Variants in GMDS observed in about 807,000 individuals in gnomAD.
GMDS encodes the protein GDP-mannose 4,6-dehydratase, also known as GDP-mannose 4,6 dehydratase.
GMDS carries 20 observed loss-of-function variants against 49.9 expected under a neutral mutation model. That is an observed-to-expected ratio of 0.40 (90% CI 0.28 to 0.58). GMDS has a LOEUF of 0.58. Among genes scored for constraint, GMDS ranks in the 20% least tolerant of loss-of-function variants. GMDS has a pLI of 0.42. For synonymous variants in GMDS, 177 were observed against 178.6 expected (o/e 0.99, Z 0.07); for missense variants, 362 against 481.4 (o/e 0.75, Z 2.32).
At chr6:1,647,820 C>A (rs139272156) in intron 9 of GMDS, among the ~76,000 whole-genome samples, 3 of 152,176 alleles carry the variant, frequency 2.0e-5, no homozygotes, top group African/African-American at 2.4e-5. Flanking sequence ...CCTGGAATGT[C>A]CTTCTCAGCA....
intron 4 of GMDS, among the ~76,000 whole-genome samples, chr6:2,021,584 T>C (rs1054748047): frequency 2.6e-5 from 4 of 152,138 alleles, no homozygotes; most frequent in African/African-American, 9.7e-5. Flanking sequence ...ATATAATAAG[T>C]AAAATATTTG....
intron 1 of GMDS, among the ~76,000 whole-genome samples, chr6:2,190,827 G>A (rs918068927): frequency 2.0e-5 from 3 of 152,114 alleles, no homozygotes; most frequent in Non-Finnish European, 4.4e-5. Flanking sequence ...CAGCAGGAGC[G>A]GCTGCAGGAG....
At chr6:1,709,613 G>A (rs924923674) in intron 9 of GMDS, among the ~76,000 whole-genome samples, 10 of 152,206 alleles carry the variant, frequency 6.6e-5, no homozygotes, top group Admixed American at 6.5e-4. Context: ...TGTCACAGAT[G>A]GAAGGAGAAG....
rs1175323225 is a variant in GMDS at position 1,737,953 on chromosome 6, TACAC to T, written c.890+4511_890+4514del. Among the ~76,000 whole-genome samples, 11 of 118,106 alleles carry T rather than the reference TACAC, an allele frequency of 9.3e-5. No individual in the cohort carries two copies. The South Asian group carries it at 1.1e-3, about 12-fold the overall frequency. The allele number at this position is 118,106 out of a possible 152,430, so 77.5% of individuals were successfully genotyped here. ...TACACACCACACACACATACACAGA[TACAC>T]ACATACATACACACACATACACACA... is the stretch of plus-strand genomic sequence containing the variant. On this transcript the variant is annotated intron_variant, in intron 8 of 10. Transcript: ENST00000380815.
chr6:1,653,558 C>T (rs1329352279), intron 9 of GMDS, among the ~76,000 whole-genome samples: 1 of 152,148 alleles, frequency 6.6e-6, no homozygotes, highest in East Asian at 1.9e-4. Flanking sequence ...TTGAAAACTA[C>T]AAAGATACAG....
At chr6:2,029,458 T>G (rs1283093749) in intron 4 of GMDS, among the ~76,000 whole-genome samples, 2 of 152,158 alleles carry the variant, frequency 1.3e-5, no homozygotes, top group African/African-American at 4.8e-5. Flanking sequence ...GCAGATAAAT[T>G]ATCTACCTGG....
intron 9 of GMDS, among the ~76,000 whole-genome samples, chr6:1,637,136 CGTT>C (rs1450745552): frequency 2.6e-5 from 4 of 152,220 alleles, no homozygotes; most frequent in Non-Finnish European, 4.4e-5. Context: ...CCATCTGGCT[CGTT>C]GTCTGCACTG....
intron 4 of GMDS, among the ~76,000 whole-genome samples, chr6:2,012,222 G>A (rs983482150): frequency 3.3e-5 from 5 of 151,594 alleles, no homozygotes; most frequent in African/African-American, 1.2e-4. Flanking sequence ...ATATATCCAC[G>A]GATCCAAACC....
Position 1,833,642 on chromosome 6 carries a change from T to G in GMDS, c.772-91056A>C, listed in dbSNP as rs912643389. 1.3e-5 allele frequency among the ~76,000 whole-genome samples: 2 copies of G among 152,136 alleles called. No homozygotes were observed. The highest frequency in any genetic ancestry group is 4.8e-5 in the African/African-American group (2 of 41,424). ...AAGTCTTTGTGCAGAAAACAAAACTTCACACCCCACACATATTTTGGATGA... is the reference window on the plus strand; with the variant it reads ...AAGTCTTTGTGCAGAAAACAAAACTGCACACCCCACACATATTTTGGATGA... On this transcript the variant is annotated intron_variant, in intron 7 of 10. Coordinates refer to ENST00000380815, the MANE Select transcript of GMDS (RefSeq NM_001500.4). This position sits in a 1 kb window ranked among gnomAD's most constrained non-coding sequence, Gnocchi z 4.4.
At chr6:1,998,854 G>C (rs1249665163) in intron 4 of GMDS, among the ~76,000 whole-genome samples, 1 of 141,340 alleles carries the variant, frequency 7.1e-6, no homozygotes, top group East Asian at 2.0e-4. Context: ...GCTGTATTAA[G>C]CATAAAAATA....
chr6:1,995,058 C>T (rs1375560134), intron 4 of GMDS, among the ~76,000 whole-genome samples: 2 of 152,080 alleles, frequency 1.3e-5, no homozygotes, highest in African/African-American at 4.8e-5. Flanking sequence ...TAACCTTATA[C>T]GAAGGCACCT....
At chr6:1,989,584 T>C (rs1765794590) in intron 4 of GMDS, among the ~76,000 whole-genome samples, 1 of 152,216 alleles carries the variant, frequency 6.6e-6, no homozygotes, top group Non-Finnish European at 1.5e-5. Flanking sequence ...TGTTTAATCT[T>C]TGAAACGCAA....
At chr6:2,041,437 T>G (rs928351058) in intron 4 of GMDS, among the ~76,000 whole-genome samples, 3 of 152,228 alleles carry the variant, frequency 2.0e-5, no homozygotes, top group African/African-American at 7.2e-5. Context: ...GACCATTTAA[T>G]TAAACTATAT....
chr6:2,038,056 G>GT (rs1268150692), intron 4 of GMDS, among the ~76,000 whole-genome samples: 1 of 152,122 alleles, frequency 6.6e-6, no homozygotes. Context: ...AATAAAGAGG[G>GT]TTGGGGGGGA....
At chr6:2,130,012 A>G (rs1775646563) in intron 1 of GMDS, among the ~76,000 whole-genome samples, 1 of 152,234 alleles carries the variant, frequency 6.6e-6, no homozygotes, top group Non-Finnish European at 1.5e-5. Context: ...GTTAGGAAGT[A>G]GCAGAACCTG....
intron 7 of GMDS, among the ~76,000 whole-genome samples, chr6:1,743,324 C>G (rs953620511): frequency 6.6e-6 from 1 of 152,112 alleles, no homozygotes; most frequent in African/African-American, 2.4e-5. Context: ...GAGGCCGAGG[C>G]GGGTGGATCA....
intron 6 of GMDS, among the ~76,000 whole-genome samples, chr6:1,943,915 G>A (rs773534548): frequency 1.3e-5 from 2 of 152,166 alleles, no homozygotes; most frequent in Non-Finnish European, 2.9e-5. Flanking sequence ...AATATATTCA[G>A]TCTATGTAAG....
intron 6 of GMDS, among the ~76,000 whole-genome samples, chr6:1,956,186 G>A (rs543191214): frequency 6.6e-6 from 1 of 152,208 alleles, no homozygotes; most frequent in Non-Finnish European, 1.5e-5. Context: ...TTGAGGATCT[G>A]TCTACAGCTG....
At chr6:2,205,078 ATTGTC>A (rs1292157503) in intron 1 of GMDS, among the ~76,000 whole-genome samples, 1 of 152,194 alleles carries the variant, frequency 6.6e-6, no homozygotes, top group Non-Finnish European at 1.5e-5. Flanking sequence ...GTCGCTGGAT[ATTGTC>A]CTAAACCCTT....
Sources: allele counts gnomAD v4.1 joint callset (sites outside exome capture counted in the v4.1 genomes callset), GRCh38; gene constraint gnomAD v4.1.1; non-coding constraint Gnocchi (gnomAD v3.1); transcripts MANE v1.5; gene names NCBI Gene and HGNC (gene_info 2026-07-23, HGNC 2026-07-21).